The following MBD5 variants were observed in gnomAD, a reference collection of about 807,000 sequenced individuals.
MBD5 encodes methyl-CpG binding domain protein 5.
A neutral mutation model predicts 117.3 loss-of-function variants in MBD5; 13 were observed. That is an observed-to-expected ratio of 0.11 (90% CI 0.07 to 0.18). The LOEUF (loss-of-function observed/expected upper bound fraction) is 0.18, where lower values mean the gene tolerates loss of function less well. Ranked by LOEUF, MBD5 falls within the 10% of genes least tolerant of loss-of-function variation. The probability of loss-of-function intolerance (pLI) is 1.00; values close to 1 mark genes in which losing one functional copy is unlikely to be tolerated. For missense variants in MBD5, 1,879 were observed against 2,093.8 expected, an observed-to-expected ratio of 0.90 and a Z score of 2.00; for synonymous variants, 727 against 766.4, an observed-to-expected ratio of 0.95 and a Z score of 0.85.
At chr2:148,173,744 A>G (rs1698319108) in intron 1 of MBD5, among the ~76,000 whole-genome samples, 2 of 152,208 alleles carry the variant, frequency 1.3e-5, no homozygotes, top group Non-Finnish European at 1.5e-5. Context: ...AAATCTAACT[A>G]CACAGGTTCA....
At chr2:148,063,820 C>T (rs1695105304) in intron 1 of MBD5, among the ~76,000 whole-genome samples, 1 of 152,098 alleles carries the variant, frequency 6.6e-6, no homozygotes, top group Non-Finnish European at 1.5e-5. Flanking sequence ...TCTGCCCAAC[C>T]TGTTCCTGAG....
intron 4 of MBD5, among the ~76,000 whole-genome samples, chr2:148,437,423 A>G (rs937615282): frequency 2.6e-5 from 4 of 152,188 alleles, no homozygotes; most frequent in African/African-American, 4.8e-5. Flanking sequence ...AAAAGCCACA[A>G]TCCTGAAGCC....
intron 4 of MBD5, among the ~76,000 whole-genome samples, chr2:148,363,212 A>C (rs552670010): frequency 6.6e-6 from 1 of 152,230 alleles, no homozygotes; most frequent in South Asian, 2.1e-4. Context: ...AGCATATTCT[A>C]ACCCAATGAA....
chr2:148,145,673 T>C (rs937594506), intron 1 of MBD5, among the ~76,000 whole-genome samples: 1 of 152,252 alleles, frequency 6.6e-6, no homozygotes, highest in Non-Finnish European at 1.5e-5. Flanking sequence ...TGTTGAATTT[T>C]GTCAAAAGCC....
Position 148,483,658 on chromosome 2 carries a change from T to C in MBD5, c.3067T>C (p.Leu1023=). 6.4e-7 allele frequency: 1 copy of C among 1,550,684 alleles called. No homozygotes were observed. The highest frequency in any genetic ancestry group is 2.4e-5 in the East Asian group (1 of 40,914). The change falls in exon 9 of 14, where the codon TTA becomes CTA. Residue 1023 remains leucine (L), a synonymous_variant. Coordinates refer to ENST00000642680, the MANE Select transcript of MBD5 (RefSeq NM_001378120.1). ...TCTTTTGCAACAGCAAAATACCCCTTTACCCTCATTAACACAGATGACAGC... is the reference window on the plus strand; with the variant it reads ...TCTTTTGCAACAGCAAAATACCCCTCTACCCTCATTAACACAGATGACAGC... ...SDLLQQQNTP[L]PSLTQMTAPP...
chr2:148,336,931 A>G (rs1702811476), intron 3 of MBD5, among the ~76,000 whole-genome samples: 1 of 152,048 alleles, frequency 6.6e-6, no homozygotes, highest in Non-Finnish European at 1.5e-5. Flanking sequence ...CAATTGTGAG[A>G]ACCATGTATT....
chr2:148,427,197 G>A (rs1453464561), intron 4 of MBD5, among the ~76,000 whole-genome samples: 1 of 152,160 alleles, frequency 6.6e-6, no homozygotes, highest in Non-Finnish European at 1.5e-5. Flanking sequence ...CTTTTACACT[G>A]TTGGTGGGAC....
chr2:148,076,180 T>G (rs376031556), intron 1 of MBD5, among the ~76,000 whole-genome samples: 6 of 151,444 alleles, frequency 4.0e-5, no homozygotes, highest in Admixed American at 1.3e-4. Flanking sequence ...GTCGTCGTTT[T>G]TTGTTGTTGT....
intron 1 of MBD5, among the ~76,000 whole-genome samples, chr2:148,093,391 A>C (rs1695990005): frequency 6.6e-6 from 1 of 152,054 alleles, no homozygotes; most frequent in Admixed American, 6.6e-5. Flanking sequence ...ATTATCAGTC[A>C]TTTTTTTGAG....
Position 148,512,726 on chromosome 2 carries a change from A to G in MBD5, c.5113-144A>G, listed in dbSNP as rs1200091606. 8.0e-6 allele frequency: 6 copies of G among 751,014 alleles called. No homozygotes were observed. In the African/African-American group the frequency reaches 1.0e-4, roughly 13 times the overall value. The allele number at this position is 751,014 out of a possible 1,614,324, so 46.5% of individuals were successfully genotyped here. On this transcript the variant is annotated intron_variant, in intron 13 of 13. Coordinates refer to ENST00000642680, the MANE Select transcript of MBD5 (RefSeq NM_001378120.1). Reference sequence around the variant, plus strand: ...CACACTGACATCTGGGGTCTTGGTAAACATTTGAAGTGCCTCAGGATATCA... The same window carrying G: ...CACACTGACATCTGGGGTCTTGGTAGACATTTGAAGTGCCTCAGGATATCA...
At chr2:148,136,080 G>A (rs149962218) in intron 1 of MBD5, among the ~76,000 whole-genome samples, 1 of 152,148 alleles carries the variant, frequency 6.6e-6, no homozygotes, top group Non-Finnish European at 1.5e-5. Flanking sequence ...TATTCATAGT[G>A]GGGGGTGGTG....
At chr2:148,281,843 G>A (rs1701254467) in intron 3 of MBD5, among the ~76,000 whole-genome samples, 1 of 152,014 alleles carries the variant, frequency 6.6e-6, no homozygotes, top group Admixed American at 6.6e-5. Context: ...TCACAGTTTG[G>A]GGAATCACAT....
chr2:148,158,659 C>G (rs1359277728), intron 1 of MBD5, among the ~76,000 whole-genome samples: 1 of 152,234 alleles, frequency 6.6e-6, no homozygotes, highest in Non-Finnish European at 1.5e-5. Context: ...TACCATGTGT[C>G]TGACCATATA....
At chr2:148,367,946 T>G (rs1040456109) in intron 4 of MBD5, among the ~76,000 whole-genome samples, 2 of 152,134 alleles carry the variant, frequency 1.3e-5, no homozygotes, top group Non-Finnish European at 2.9e-5. Context: ...AAACCAGAAA[T>G]ACCACTTGAC....
Position 148,470,219 on chromosome 2 carries a change from T to A in MBD5, c.2276T>A (p.Val759Glu). 1 of 1,613,954 alleles carries A rather than the reference T, an allele frequency of 6.2e-7. No homozygotes were observed. Among genetic ancestry groups the A allele is most frequent in the Non-Finnish European group, 8.5e-7 (1 of 1,179,892 alleles). ...AACATACCTTTAAGAGGGGAAGCCG[T>A]GCACTGCCACAATGCAAACACTAAC... ...LQNIPLRGEA[V>E]HCHNANTNFV... Residue 759 changes from valine to glutamate, a missense_variant, in exon 8 of 14, where the codon GTG (valine) becomes GAG (glutamate). Val to Glu is a moderately radical substitution (Grantham distance 121). This residue lies in a region of MBD5 where 1,666 missense variants were observed against 1,792.2 expected (regional missense o/e 0.93). Transcript: ENST00000642680.
intron 1 of MBD5, among the ~76,000 whole-genome samples, chr2:148,042,342 A>G (rs189370684): frequency 6.6e-6 from 1 of 152,152 alleles, no homozygotes; most frequent in East Asian, 1.9e-4. Context: ...CCTCCTTTTT[A>G]TGACTGATGA....
intron 3 of MBD5, among the ~76,000 whole-genome samples, chr2:148,324,811 T>C (rs1702396764): frequency 6.6e-6 from 1 of 152,242 alleles, no homozygotes; most frequent in South Asian, 2.1e-4. Context: ...CTTTTCCTAA[T>C]TGAATACCCT....
chr2:148,362,551 G>C (rs1703573441), intron 4 of MBD5, among the ~76,000 whole-genome samples: 1 of 152,170 alleles, frequency 6.6e-6, no homozygotes, highest in South Asian at 2.1e-4. Flanking sequence ...GAACAGCTGT[G>C]TGCACAGCTT....
chr2:148,378,989 A>G lies in MBD5; in HGVS notation c.-557+36653A>G, dbSNP rs897291575. On this transcript the variant is annotated intron_variant, in intron 4 of 13. Transcript: ENST00000642680. The stretch of plus-strand genomic sequence containing the variant: ...CAGAACATAGCATAGAAAGAAAACT[A>G]CATGAAATATATGAAAGGTAGAGAT... 5.9e-5 allele frequency among the ~76,000 whole-genome samples: 9 copies of G among 152,176 alleles called. No homozygotes were observed. The South Asian group carries it at 6.2e-4, about 11-fold the overall frequency.
Sources: allele counts gnomAD v4.1 joint callset (sites outside exome capture counted in the v4.1 genomes callset), GRCh38; gene constraint gnomAD v4.1.1; regional missense constraint gnomAD v4.1.1; transcripts MANE v1.5; gene names NCBI Gene and HGNC (gene_info 2026-07-23, HGNC 2026-07-21).